SOX5: variants seen among roughly 807,000 people sequenced by gnomAD.
SOX5 encodes transcription factor SOX-5.
Under a neutral mutation model 92.0 loss-of-function variants are expected in SOX5, and 9 were observed. The observed-to-expected ratio is 0.10, with a 90% CI of 0.06 to 0.17. The LOEUF is 0.17. SOX5 is among the 10% of genes least tolerant of loss of function. The probability of loss-of-function intolerance (pLI) is 1.00; values close to 1 mark genes in which losing one functional copy is unlikely to be tolerated. For synonymous variants in SOX5, 344 were observed against 336.3 expected (o/e 1.02, Z -0.25); for missense variants, 642 against 944.5 (o/e 0.68, Z 4.20).
intron 2 of SOX5, among the ~76,000 whole-genome samples, chr12:23,876,573 T>G (rs934598972): frequency 6.6e-6 from 1 of 152,212 alleles, no homozygotes; most frequent in Admixed American, 6.5e-5. Flanking sequence ...AGTGTGGCGA[T>G]TCCTCAAGGA....
chr12:24,093,241 G>T (rs1022147463), intron 4 of SOX5, among the ~76,000 whole-genome samples: 1 of 152,050 alleles, frequency 6.6e-6, no homozygotes, highest in Non-Finnish European at 1.5e-5. Context: ...CTTCAAAGCG[G>T]CTGGGCGCGG....
chr12:23,637,695 T>C (rs2079451586), intron 8 of SOX5, among the ~76,000 whole-genome samples: 1 of 152,146 alleles, frequency 6.6e-6, no homozygotes, highest in South Asian at 2.1e-4. Context: ...AGCAAAAACT[T>C]GAATGTTGTT....
Position 23,991,184 on chromosome 12 carries a change from T to C in SOX5, c.-1-95160A>G, listed in dbSNP as rs964831731. 2.1e-4 allele frequency among the ~76,000 whole-genome samples: 20 copies of C among 96,538 alleles called. 1 individual carries two copies. The East Asian group carries it at 5.1e-3, about 25-fold the overall frequency. 63.3% of individuals were successfully genotyped at this position (96,538 alleles called of 152,430 possible). A position where few individuals can be genotyped will look rare whatever the true frequency, so the allele number is the denominator to read the frequency against. Reference sequence around the variant, plus strand: ...GCCTGGGCAACACAGTGAGATCCCGTCTCTGCAAAAAAAAAAAAAACTTTA... The same window carrying C: ...GCCTGGGCAACACAGTGAGATCCCGCCTCTGCAAAAAAAAAAAAAACTTTA... On this transcript the variant is annotated intron_variant, in intron 4 of 4. Coordinates refer to the SOX5 transcript ENST00000446891.
intron 4 of SOX5, among the ~76,000 whole-genome samples, chr12:24,096,801 A>G (rs1945470243): frequency 6.6e-6 from 1 of 151,790 alleles, no homozygotes; most frequent in Non-Finnish European, 1.5e-5. Flanking sequence ...TGTTCTCATA[A>G]TAACTTTTTG....
intron 2 of SOX5, among the ~76,000 whole-genome samples, chr12:23,855,467 A>C (rs1266266213): frequency 6.6e-6 from 1 of 152,092 alleles, no homozygotes; most frequent in Admixed American, 6.6e-5. Flanking sequence ...AACTATTAAA[A>C]GTGAAAGTTT....
intron 4 of SOX5, among the ~76,000 whole-genome samples, chr12:23,973,160 CTTTTTTTT>C (rs60609193): frequency 3.6e-5 from 4 of 111,998 alleles, no homozygotes; most frequent in Non-Finnish European, 7.3e-5. Context: ...TAACTTTTTT[CTTTTTTTT>C]TTTTTTTTTT....
chr12:24,085,099 G>A (rs1419266290), intron 4 of SOX5, among the ~76,000 whole-genome samples: 6 of 107,322 alleles, frequency 5.6e-5, no homozygotes, highest in East Asian at 4.3e-4. Context: ...CATGGCTGAC[G>A]TATACAGCCA....
chr12:24,341,555 A>T (rs1952578557), intron 2 of SOX5, among the ~76,000 whole-genome samples: 1 of 152,210 alleles, frequency 6.6e-6, no homozygotes. Context: ...ATATATTTAG[A>T]GATATGCCTG....
At chr12:23,858,574 G>A (rs1259890081) in intron 2 of SOX5, among the ~76,000 whole-genome samples, 1 of 152,064 alleles carries the variant, frequency 6.6e-6, no homozygotes, top group African/African-American at 2.4e-5. Flanking sequence ...CAGAGAAGAG[G>A]GAACCCTTAT....
intron 4 of SOX5, among the ~76,000 whole-genome samples, chr12:24,202,618 G>C (rs933288944): frequency 6.6e-6 from 1 of 152,146 alleles, no homozygotes; most frequent in Non-Finnish European, 1.5e-5. Flanking sequence ...ATCTGGGACA[G>C]TTCTTCAATC....
intron 1 of SOX5, among the ~76,000 whole-genome samples, chr12:24,372,148 A>G (rs940199199): frequency 9.2e-5 from 14 of 152,094 alleles, no homozygotes; most frequent in African/African-American, 2.7e-4. Flanking sequence ...TTTTCATATT[A>G]TTATACTTTA....
intron 4 of SOX5, among the ~76,000 whole-genome samples, chr12:24,193,480 C>T (rs529253547): frequency 6.6e-6 from 1 of 152,300 alleles, no homozygotes; most frequent in African/African-American, 2.4e-5. Flanking sequence ...AACTGGTTTA[C>T]ATGAAGCAAA....
intron 1 of SOX5, among the ~76,000 whole-genome samples, chr12:24,469,234 A>G (rs941396516): frequency 6.6e-6 from 1 of 152,100 alleles, no homozygotes; most frequent in African/African-American, 2.4e-5. Context: ...CTTTAACGTC[A>G]CAGCTGATCT....
At chr12:23,773,191 A>C (rs931987732) in intron 3 of SOX5, among the ~76,000 whole-genome samples, 2 of 152,118 alleles carry the variant, frequency 1.3e-5, no homozygotes, top group Non-Finnish European at 2.9e-5. Flanking sequence ...TTTTATATAT[A>C]TAGATATGAG....
chr12:24,282,540 A>T (rs1256878217), intron 2 of SOX5, among the ~76,000 whole-genome samples: 3 of 152,224 alleles, frequency 2.0e-5, no homozygotes, highest in East Asian at 1.9e-4. Flanking sequence ...ACAAAAAAAA[A>T]AAAGGTGTTG....
chr12:24,239,303 G>A lies in SOX5; in HGVS notation c.-76-25886C>T, dbSNP rs569176955. 1.6e-3 allele frequency among the ~76,000 whole-genome samples: 247 copies of A among 152,308 alleles called. 1 individual carries two copies. The highest frequency in any genetic ancestry group is 2.6e-3 in the Non-Finnish European group (175 of 68,024). ...CCCTGAATCAAAAAAAGAAGATATA[G>A]TCTTCAAACTCACTAAATTTCCTTA... On this transcript the variant is annotated intron_variant, in intron 3 of 4. Transcript: ENST00000446891.
intron 4 of SOX5, among the ~76,000 whole-genome samples, chr12:24,192,892 A>G (rs1956661111): frequency 6.6e-6 from 1 of 152,154 alleles, no homozygotes; most frequent in Non-Finnish European, 1.5e-5. Flanking sequence ...ATCTGCCACC[A>G]TATCTGTTGC....
At chr12:23,753,071 A>G (rs2094231157) in intron 4 of SOX5, among the ~76,000 whole-genome samples, 1 of 151,840 alleles carries the variant, frequency 6.6e-6, no homozygotes, top group African/African-American at 2.4e-5. Context: ...GAAAAATGAG[A>G]TTGACTTTAA....
At chr12:23,752,426 T>A (rs765262309) in intron 4 of SOX5, among the ~76,000 whole-genome samples, 2 of 151,894 alleles carry the variant, frequency 1.3e-5, no homozygotes, top group Non-Finnish European at 2.9e-5. Flanking sequence ...ATTCTACAAA[T>A]AAACATTAAG....
Sources: allele counts gnomAD v4.1 joint callset (sites outside exome capture counted in the v4.1 genomes callset), GRCh38; gene constraint gnomAD v4.1.1; transcripts MANE v1.5; gene names NCBI Gene and HGNC (gene_info 2026-07-23, HGNC 2026-07-21).